The following TLR2 variants were observed in gnomAD, a reference collection of about 807,000 sequenced individuals.
The protein encoded by TLR2 is toll like receptor 2.
Under a neutral mutation model 9.1 loss-of-function variants are expected in TLR2, and 7 were observed. The ratio of observed to expected loss-of-function variants is 0.77; its 90% confidence interval spans 0.44 to 1.44. TLR2 has a LOEUF of 1.44. TLR2 is among the 40% of genes most tolerant of loss of function. TLR2 has a pLI of 0.01. For synonymous variants in TLR2, 317 were observed against 344.6 expected, an observed-to-expected ratio of 0.92 and a Z score of 0.89; for missense variants, 812 against 904.6, an observed-to-expected ratio of 0.90 and a Z score of 1.31.
chr4:153,688,878 C>T (rs367982773), intron 2 of TLR2, among the ~76,000 whole-genome samples: 67 of 152,198 alleles, frequency 4.4e-4, no homozygotes, highest in African/African-American at 1.5e-3. Flanking sequence ...TCCCACATGT[C>T]CCCCTTTTTT....
chr4:153,690,411 A>G (rs1422335192), intron 2 of TLR2, among the ~76,000 whole-genome samples: 1 of 152,260 alleles, frequency 6.6e-6, no homozygotes, highest in East Asian at 1.9e-4. Context: ...AAATGTAGCT[A>G]GAGCTTGGCT....
chr4:153,700,966 C>A (rs1247541540), intron 2 of TLR2, among the ~76,000 whole-genome samples: 1 of 151,954 alleles, frequency 6.6e-6, no homozygotes, highest in East Asian at 1.9e-4. Context: ...CAAATATCAA[C>A]CCCAGGTAGA....
chr4:153,708,687 A>G (rs1476456782), downstream of TLR2, among the ~76,000 whole-genome samples: 1 of 152,204 alleles, frequency 6.6e-6, no homozygotes. Context: ...GGTCCAGCAC[A>G]GAAGCCTTTT....
chr4:153,697,771 G>A (rs971293636), intron 2 of TLR2, among the ~76,000 whole-genome samples: 6 of 152,136 alleles, frequency 3.9e-5, no homozygotes, highest in Non-Finnish European at 7.4e-5. Flanking sequence ...TAAATTATAA[G>A]TGATGCTGAA....
chr4:153,704,820 A>G lies in TLR2; in HGVS notation c.1913A>G (p.Asn638Ser). The G allele has an allele frequency of 6.2e-7, 1 of 1,613,792 alleles. No individual in the cohort carries two copies. The highest frequency in any genetic ancestry group is 2.2e-5 in the East Asian group (1 of 44,840). Reference protein sequence around the residue: ...KRKPRKAPSRNICYDAFVSYS... With the variant: ...KRKPRKAPSRSICYDAFVSYS... ...AAGCCCAGGAAAGCTCCCAGCAGGA[A>G]CATCTGCTATGATGCATTTGTTTCT... is the stretch of plus-strand genomic sequence containing the variant. Residue 638 changes from asparagine (N) to serine (S), a missense_variant, in exon 3 of 3, where the codon AAC (asparagine) becomes AGC (serine). By Grantham distance (46) the Asn-to-Ser change is conservative. Coordinates refer to ENST00000642700, the MANE Select transcript of TLR2 (RefSeq NM_001318789.2).
chr4:153,685,908 G>C (rs1253784635), intron 1 of TLR2, among the ~76,000 whole-genome samples: 1 of 152,164 alleles, frequency 6.6e-6, no homozygotes, highest in African/African-American at 2.4e-5. Flanking sequence ...AATTTACAAA[G>C]AACAGAAATT....
Position 153,704,480 on chromosome 4 carries a change from C to T in TLR2, c.1573C>T (p.Leu525=), listed in dbSNP as rs748709633. The part of the protein sequence containing the change: ...SKEQLDSFHT[L]KTLEAGGNNF... ...GGAGCAACTTGACTCATTTCACACA[C>T]TGAAGACTTTGGAAGCTGGTGGCAA... Residue 525 remains leucine, a synonymous_variant, in exon 3 of 3, where the codon CTG becomes TTG. Coordinates refer to ENST00000642700, the MANE Select transcript of TLR2 (RefSeq NM_001318789.2). 1.1e-5 allele frequency: 17 copies of T among 1,614,142 alleles called. No homozygotes were observed. The South Asian group carries it at 1.9e-4, about 18-fold the overall frequency.
At chr4:153,685,100 C>G (rs1480970520) in intron 1 of TLR2, among the ~76,000 whole-genome samples, 4 of 152,238 alleles carry the variant, frequency 2.6e-5, no homozygotes, top group African/African-American at 9.6e-5. Flanking sequence ...AGTCTGACCT[C>G]TGCTCCCTGG....
At chr4:153,701,322 G>A (rs1736873081) in intron 2 of TLR2, among the ~76,000 whole-genome samples, 1 of 152,092 alleles carries the variant, frequency 6.6e-6, no homozygotes, top group South Asian at 2.1e-4. Context: ...GTGCCCCCTT[G>A]CCCTCTTGCG....
intron 2 of TLR2, chr4:153,701,668 T>C (rs958005991): frequency 5.9e-5 from 9 of 152,038 alleles, no homozygotes; most frequent in Non-Finnish European, 1.3e-4. Flanking sequence ...ATTGTGTTCA[T>C]TGATTATGTA....
intron 2 of TLR2, 189 bp from the exon 3 acceptor site, chr4:153,702,703 A>G (rs1371633992): frequency 3.5e-6 from 2 of 575,420 alleles, no homozygotes; most frequent in Non-Finnish European, 6.0e-6. Context: ...GTATCAGGGA[A>G]TTCATTTTTT....
intron 2 of TLR2, among the ~76,000 whole-genome samples, chr4:153,691,953 G>A (rs960208022): frequency 6.6e-6 from 1 of 152,090 alleles, no homozygotes; most frequent in African/African-American, 2.4e-5. Context: ...TTCTTGAGTG[G>A]GGGCAGCACA....
At chr4:153,684,617 G>C (rs1163731973) in intron 1 of TLR2, among the ~76,000 whole-genome samples, 2 of 152,206 alleles carry the variant, frequency 1.3e-5, no homozygotes, top group African/African-American at 4.8e-5. Context: ...GTCGGCCCTC[G>C]GGAGAAGCAG....
At chr4:153,702,843 C>A in intron 2 of TLR2, 49 bp from the exon 3 acceptor site, 27 of 1,308,190 alleles carry the variant, frequency 2.1e-5, no homozygotes, top group East Asian at 6.5e-5. Context: ...ATTAGAATTA[C>A]GATATGCTGT....
At chr4:153,706,749 A>T (rs905885590), downstream of TLR2, among the ~76,000 whole-genome samples, 2 of 152,238 alleles carry the variant, frequency 1.3e-5, no homozygotes, top group Non-Finnish European at 2.9e-5. Context: ...TTAATTGGGC[A>T]CTAGAGTCAG....
intron 2 of TLR2, among the ~76,000 whole-genome samples, chr4:153,690,236 T>C (rs1286454483): frequency 6.6e-6 from 1 of 152,220 alleles, no homozygotes; most frequent in Non-Finnish European, 1.5e-5. Flanking sequence ...AAATTTAAAG[T>C]CATTAATGCT....
At position 153,702,903 on chromosome 4, in the gene TLR2, G is replaced by A; in HGVS notation, c.-5G>A. The A allele has an allele frequency of 1.2e-6, 2 of 1,601,496 alleles. No homozygotes were observed. Among genetic ancestry groups the A allele is most frequent in the Non-Finnish European group, 1.7e-6 (2 of 1,173,058 alleles). On this transcript the variant is annotated 5_prime_UTR_variant, in exon 3 of 3. Transcript: ENST00000642700. ...TCTTTTATTTGTAGGTTGAAGCACT[G>A]GACAATGCCACATACTTTGTGGATG... is the stretch of plus-strand genomic sequence containing the variant.
intron 2 of TLR2, among the ~76,000 whole-genome samples, chr4:153,701,114 C>G (rs1736857122): frequency 6.6e-6 from 1 of 152,102 alleles, no homozygotes; most frequent in Non-Finnish European, 1.5e-5. Flanking sequence ...ATAAGAACAT[C>G]TGTTCATCAA....
Position 153,703,716 on chromosome 4 carries a change from T to C in TLR2, c.809T>C (p.Met270Thr), listed in dbSNP as rs771944158. The change falls in exon 3 of 3, where the codon ATG (methionine) becomes ACG (threonine). Residue 270 changes from methionine to threonine, a missense_variant. Met to Thr is a moderately conservative substitution (Grantham distance 81). Transcript: ENST00000642700. ...ACCGATGAAAGTTTGTTTCAGGTTATGAAACTTTTGAATCAGATTTCTGGA... is the reference window on the plus strand; with the variant it reads ...ACCGATGAAAGTTTGTTTCAGGTTACGAAACTTTTGAATCAGATTTCTGGA... The part of the protein sequence containing the change: ...KITDESLFQV[M>T]KLLNQISGLL... The C allele has an allele frequency of 1.9e-6, 3 of 1,613,790 alleles. No homozygotes were observed. The highest frequency in any genetic ancestry group is 2.5e-6 in the Non-Finnish European group (3 of 1,179,972).
Sources: gnomAD v4.1 joint callset for allele counts (sites outside exome capture counted in the v4.1 genomes callset) on GRCh38, gnomAD v4.1.1 for gene constraint, MANE v1.5 for transcripts, NCBI Gene and HGNC (gene_info 2026-07-23, HGNC 2026-07-21) for gene names.